Variants in YJU2 observed in about 807,000 individuals in gnomAD.
YJU2 encodes splicing factor YJU2.
A neutral mutation model predicts 39.6 loss-of-function variants in YJU2; 28 were observed. That is an observed-to-expected ratio of 0.71 (90% confidence interval 0.52 to 0.97). YJU2 has a LOEUF of 0.97. YJU2 is among the 50% of genes least tolerant of loss of function. The pLI is 0.00. For missense variants in YJU2, 328 were observed against 430.4 expected, an observed-to-expected ratio of 0.76 and a Z score of 2.11; for synonymous variants, 184 against 182.4, an observed-to-expected ratio of 1.01 and a Z score of -0.07.
intron 4 of YJU2, 136 bp from the exon 5 acceptor site, chr19:4,258,105 CA>C: frequency 7.8e-7 from 1 of 1,283,590 alleles, no homozygotes. Context: ...TGGGCATGGG[CA>C]GGGGGTTCCC....
chr19:4,250,349 G>T (rs116237917), intron 2 of YJU2, among the ~76,000 whole-genome samples: 1 of 152,040 alleles, frequency 6.6e-6, no homozygotes, highest in African/African-American at 2.4e-5. Context: ...TGTGCCGAGC[G>T]CCAGGAACAA....
chr19:4,258,433 G>C lies in YJU2; in HGVS notation c.587+10G>C. On this transcript the variant is annotated intron_variant, in intron 5 of 7. Coordinates refer to ENST00000262962, the MANE Select transcript of YJU2 (RefSeq NM_018074.6). ...ACGAGCAGGAGACCGCGTGAGTCAG[G>C]GCCGGCCCAACCCAGCCCCACCTCG... is the stretch of plus-strand genomic sequence containing the variant. 4 of 1,572,876 alleles carry C rather than the reference G, an allele frequency of 2.5e-6. No individual in the cohort carries two copies. The highest frequency in any genetic ancestry group is 3.4e-6 in the Non-Finnish European group (4 of 1,160,610).
Position 4,247,088 on chromosome 19 carries a change from T to G in YJU2, c.-59T>G, listed in dbSNP as rs768276762. On this transcript the variant is annotated 5_prime_UTR_variant, in exon 1 of 8. Transcript: ENST00000262962. ...GAAGTAAGGCTTCCGTCGGAAAAGCTCGATAATTACCCAGCCTAACCATTT... is the reference window on the plus strand; with the variant it reads ...GAAGTAAGGCTTCCGTCGGAAAAGCGCGATAATTACCCAGCCTAACCATTT... The G allele has an allele frequency of 5.8e-6, 9 of 1,555,586 alleles. No individual in the cohort carries two copies. Among genetic ancestry groups the G allele is most frequent in the Non-Finnish European group, 8.0e-6 (9 of 1,126,826 alleles).
At chr19:4,268,197 G>A (rs924254385) in intron 7 of YJU2, among the ~76,000 whole-genome samples, 2 of 151,998 alleles carry the variant, frequency 1.3e-5, no homozygotes, top group Admixed American at 6.6e-5. Context: ...CACTCACCTC[G>A]GCCTCCCAAA....
chr19:4,261,860 C>A, intron 5 of YJU2, 134 bp from the exon 6 acceptor site: 8 of 761,470 alleles, frequency 1.1e-5, no homozygotes, highest in Non-Finnish European at 1.5e-5. Flanking sequence ...GCTCCCCCTA[C>A]TCCCTCCCAC....
intron 4 of YJU2, among the ~76,000 whole-genome samples, chr19:4,255,447 T>C (rs1971011972): frequency 6.6e-6 from 1 of 151,816 alleles, no homozygotes; most frequent in Middle Eastern, 3.4e-3. Context: ...AGCCAGGTGC[T>C]TGCCAGGCGT....
At chr19:4,262,298 A>C (rs1378756491) in intron 6 of YJU2, among the ~76,000 whole-genome samples, 184 bp downstream of exon 6, 7 of 152,176 alleles carry the variant, frequency 4.6e-5, no homozygotes, top group Admixed American at 4.6e-4. Context: ...TCCCAGGTTC[A>C]AGCGATTCTC....
chr19:4,267,490 T>C, intron 6 of YJU2, 134 bp from the exon 7 acceptor site: 2 of 928,408 alleles, frequency 2.2e-6, no homozygotes, highest in Non-Finnish European at 3.3e-6. Context: ...TAGAGGAGTT[T>C]AGAGCAGAGG....
At chr19:4,250,959 G>A (rs556766303) in intron 2 of YJU2, 68 bp from the exon 3 acceptor site, 69 of 1,558,026 alleles carry the variant, frequency 4.4e-5, no homozygotes, top group Middle Eastern at 1.8e-4. Flanking sequence ...GCAGGATGCC[G>A]CAGGGACAGC....
chr19:4,251,618 G>A (rs1296958479), intron 3 of YJU2, among the ~76,000 whole-genome samples: 1 of 150,814 alleles, frequency 6.6e-6, no homozygotes, highest in Non-Finnish European at 1.5e-5. Context: ...CTGGGAGGCA[G>A]AGGTTGCAGT....
chr19:4,258,703 G>A (rs985711454), intron 5 of YJU2, among the ~76,000 whole-genome samples: 11 of 152,214 alleles, frequency 7.2e-5, no homozygotes, highest in African/African-American at 2.4e-4. Context: ...GTGGTGTGTC[G>A]GGGGCCAGGC....
At position 4,249,431 on chromosome 19, in the gene YJU2, T is replaced by A. The variant is rs545149374; in HGVS notation, c.125+103T>A. On this transcript the variant is annotated intron_variant, in intron 2 of 7. Transcript: ENST00000262962. Reference sequence around the variant, plus strand: ...TCCGGTGTTAAGACCAGATCACTGGTCTTAGACATTGTCCTGGCTCAGACA... The same window carrying A: ...TCCGGTGTTAAGACCAGATCACTGGACTTAGACATTGTCCTGGCTCAGACA... The A allele has an allele frequency of 3.3e-3, 2,314 of 698,876 alleles. 12 individuals are homozygous for A. The highest frequency in any genetic ancestry group is 5.0e-3 in the Non-Finnish European group (2,045 of 408,534). 43.3% of individuals were successfully genotyped at this position (698,876 alleles called of 1,614,324 possible).
chr19:4,254,276 C>A, intron 3 of YJU2, 79 bp from the exon 4 acceptor site: 1 of 1,007,208 alleles, frequency 9.9e-7, no homozygotes, highest in Non-Finnish European at 1.6e-6. Flanking sequence ...AGAGAAGGGG[C>A]CCTGATCTGC....
At chr19:4,247,397 CG>C in intron 1 of YJU2, 1 of 494,424 alleles carries the variant, frequency 2.0e-6, no homozygotes, top group Non-Finnish European at 3.6e-6. Flanking sequence ...TAGTCACCTG[CG>C]GGGCGTGGCT....
At chr19:4,262,822 C>A (rs1417021525) in intron 6 of YJU2, among the ~76,000 whole-genome samples, 1 of 151,984 alleles carries the variant, frequency 6.6e-6, no homozygotes, top group Non-Finnish European at 1.5e-5. Context: ...GCAGGAGGAC[C>A]GCTTGAGCCC....
At chr19:4,254,534 G>GGTGT (rs748084575) in intron 4 of YJU2, 45 bp downstream of exon 4, 29 of 1,506,100 alleles carry the variant, frequency 1.9e-5, no homozygotes, top group Non-Finnish European at 4.5e-6. Context: ...TGTGTGTGTG[G>GGTGT]GTGTGTGTGT....
chr19:4,263,188 G>A (rs982809199), intron 6 of YJU2, among the ~76,000 whole-genome samples: 1 of 151,968 alleles, frequency 6.6e-6, no homozygotes, highest in African/African-American at 2.4e-5. Flanking sequence ...AAAGAACATA[G>A]AAATTTATTT....
intron 3 of YJU2, among the ~76,000 whole-genome samples, chr19:4,252,208 T>TCA (rs61557279): frequency 0.41 from 62,760 of 151,362 alleles, 15,231 homozygotes; most frequent in African/African-American, 0.68. Flanking sequence ...ACAGCTATAA[T>TCA]CAGCACTTTG....
At position 4,268,817 on chromosome 19, in the gene YJU2, C is replaced by T. The variant is rs1042079190; in HGVS notation, c.*121C>T. 2.1e-5 allele frequency: 15 copies of T among 706,910 alleles called. No individual in the cohort carries two copies. Among genetic ancestry groups the T allele is most frequent in the Admixed American group, 4.8e-5 (2 of 41,730 alleles). The allele number at this position is 706,910 out of a possible 1,614,324, so 43.8% of individuals were successfully genotyped here. A position where few individuals can be genotyped will look rare whatever the true frequency, so the allele number is the denominator to read the frequency against. On this transcript the variant is annotated 3_prime_UTR_variant, in exon 8 of 8. Coordinates refer to ENST00000262962, the MANE Select transcript of YJU2 (RefSeq NM_018074.6). ...CGTGACTGGAGGCCGGACAGACAAG[C>T]GCCAGCGTGCTCCAACACATAGGGC...
Sources: allele counts gnomAD v4.1 joint callset (sites outside exome capture counted in the v4.1 genomes callset), GRCh38; gene constraint gnomAD v4.1.1; transcripts MANE v1.5; gene names NCBI Gene and HGNC (gene_info 2026-07-23, HGNC 2026-07-21).